Variants in NEK6 observed in about 807,000 individuals in gnomAD.
NEK6 encodes the protein NIMA related kinase 6.
A neutral mutation model predicts 43.5 loss-of-function variants in NEK6; 27 were observed. That is an observed-to-expected ratio of 0.62 (90% CI 0.46 to 0.86). The LOEUF is 0.86. Ranked by LOEUF, NEK6 falls within the 40% of genes least tolerant of loss-of-function variation. The pLI is 0.00. For missense variants in NEK6, 318 were observed against 414.4 expected (o/e 0.77, Z 2.02); for synonymous variants, 167 against 164.1 (o/e 1.02, Z -0.14).
chr9:124,265,160 T>C (rs952188862), intron 1 of NEK6, among the ~76,000 whole-genome samples: 1 of 152,198 alleles, frequency 6.6e-6, no homozygotes, highest in Non-Finnish European at 1.5e-5. Flanking sequence ...TGCACAACAT[T>C]GTGATTGTAA....
Position 124,343,697 on chromosome 9 carries a change from C to T in NEK6, c.718-4012C>T, listed in dbSNP as rs1829773696. ...CAGCCTGTGGTGTCTTCCAGGGGCA[C>T]CAGCCTGAAGAGCTGTGACAAAGCC... On this transcript the variant is annotated intron_variant, in intron 8 of 9. Coordinates refer to ENST00000320246, the MANE Select transcript of NEK6 (RefSeq NM_014397.6). The surrounding 1 kb of genome is among the most constrained non-coding windows in gnomAD (Gnocchi z 5.1). 6.6e-6 allele frequency among the ~76,000 whole-genome samples: 1 copy of T among 152,208 alleles called. No individual in the cohort carries two copies. The highest frequency in any genetic ancestry group is 2.4e-5 in the African/African-American group (1 of 41,452).
chr9:124,271,157 C>A (rs1045556605), intron 1 of NEK6, among the ~76,000 whole-genome samples: 4 of 152,254 alleles, frequency 2.6e-5, no homozygotes, highest in Non-Finnish European at 5.9e-5. Context: ...CCATGGTCAG[C>A]CCTCCCTGAC....
chr9:124,341,141 CA>C (rs1420150659), intron 8 of NEK6, among the ~76,000 whole-genome samples: 1 of 152,200 alleles, frequency 6.6e-6, no homozygotes, highest in African/African-American at 2.4e-5. Context: ...CTCCCAGGTT[CA>C]AGCAATTATC....
intron 7 of NEK6, among the ~76,000 whole-genome samples, chr9:124,337,812 C>T (rs1829369412): frequency 6.6e-6 from 1 of 152,238 alleles, no homozygotes; most frequent in Admixed American, 6.5e-5. Flanking sequence ...TGGTAGAAAC[C>T]AGCCGATGGT....
At chr9:124,269,396 G>A (rs1255819068) in intron 1 of NEK6, among the ~76,000 whole-genome samples, 1 of 150,506 alleles carries the variant, frequency 6.6e-6, no homozygotes, top group Non-Finnish European at 1.5e-5. Flanking sequence ...TTTTTGAGAT[G>A]GAGTTTCACT....
chr9:124,289,046 T>TA (rs1365487148), intron 1 of NEK6, among the ~76,000 whole-genome samples: 3 of 151,914 alleles, frequency 2.0e-5, no homozygotes, highest in Non-Finnish European at 4.4e-5. Context: ...AGTGGCACAA[T>TA]ACTAGCTCTC....
chr9:124,300,798 GGA>G (rs1482115627), intron 1 of NEK6, among the ~76,000 whole-genome samples: 13 of 106,512 alleles, frequency 1.2e-4, no homozygotes, highest in African/African-American at 6.0e-4. Context: ...CCACCGCAGG[GGA>G]GGGGGCTCCA....
intron 1 of NEK6, among the ~76,000 whole-genome samples, chr9:124,270,513 C>CA (rs35908150): frequency 1.3e-5 from 2 of 150,604 alleles, no homozygotes; most frequent in African/African-American, 4.8e-5. Flanking sequence ...TTCCCTTGTT[C>CA]AAAAAGCAGT....
At chr9:124,311,644 C>T (rs1020343619) in intron 2 of NEK6, among the ~76,000 whole-genome samples, 1 of 152,206 alleles carries the variant, frequency 6.6e-6, no homozygotes, top group Admixed American at 6.5e-5. Context: ...TTCTTCACGA[C>T]ACCCTAAAAA....
At chr9:124,303,491 C>G (rs1833099598) in intron 2 of NEK6, among the ~76,000 whole-genome samples, 1 of 152,214 alleles carries the variant, frequency 6.6e-6, no homozygotes, top group South Asian at 2.1e-4. Context: ...AAGCCATGCT[C>G]CCTGGTGGAC....
intron 4 of NEK6, among the ~76,000 whole-genome samples, chr9:124,319,762 T>G (rs116214200): frequency 1.1e-3 from 164 of 152,354 alleles, no homozygotes; most frequent in African/African-American, 3.4e-3. Flanking sequence ...GTATGCTGCT[T>G]TATTTCTGAG....
intron 1 of NEK6, among the ~76,000 whole-genome samples, chr9:124,299,274 C>T (rs1832841635): frequency 6.6e-6 from 1 of 152,256 alleles, no homozygotes; most frequent in Non-Finnish European, 1.5e-5. Flanking sequence ...CAGTTCTCCA[C>T]TCTTTCCCTG....
At chr9:124,271,510 C>G (rs1831438533) in intron 1 of NEK6, among the ~76,000 whole-genome samples, 1 of 152,260 alleles carries the variant, frequency 6.6e-6, no homozygotes, top group African/African-American at 2.4e-5. Flanking sequence ...CGTGTGTTGC[C>G]TTCGTTAATC....
In NEK6 at chr9:124,294,159, A is replaced by C. The variant is rs865827559; in HGVS notation, c.-29-7777A>C. On this transcript the variant is annotated intron_variant, in intron 1 of 9. Transcript: ENST00000320246. ...GGTGGGAGGATCACCTGAGGTCAGT[A>C]GTTCGAGACCAGCCTGACCAACATG... is the stretch of plus-strand genomic sequence containing the variant. Among the ~76,000 whole-genome samples the C allele has an allele frequency of 5.9e-5, 9 of 152,364 alleles. No homozygotes were observed. In the South Asian group the frequency reaches 1.9e-3, roughly 32 times the overall value.
chr9:124,315,974 A>G (rs1251384335), intron 4 of NEK6, among the ~76,000 whole-genome samples: 1 of 152,246 alleles, frequency 6.6e-6, no homozygotes, highest in South Asian at 2.1e-4. Flanking sequence ...TGACGAGCTC[A>G]GGGCAGCGCT....
chr9:124,322,200 G>C (rs759462426), intron 5 of NEK6, among the ~76,000 whole-genome samples: 2 of 152,174 alleles, frequency 1.3e-5, no homozygotes, highest in African/African-American at 2.4e-5. Flanking sequence ...CAGCCCTAGA[G>C]GGGGAACTTC....
At chr9:124,263,672 A>C (rs1831120119) in intron 1 of NEK6, among the ~76,000 whole-genome samples, 1 of 152,162 alleles carries the variant, frequency 6.6e-6, no homozygotes, top group African/African-American at 2.4e-5. Flanking sequence ...CCCTGCATTG[A>C]GGCCCTAAAC....
intron 1 of NEK6, among the ~76,000 whole-genome samples, chr9:124,269,544 T>C (rs1831346858): frequency 6.6e-6 from 1 of 151,926 alleles, no homozygotes; most frequent in African/African-American, 2.4e-5. Context: ...CGGCTAATTT[T>C]TTTTTGTATT....
At chr9:124,339,447 G>A in intron 7 of NEK6, 124 bp from the exon 8 acceptor site, 2 of 724,000 alleles carry the variant, frequency 2.8e-6, no homozygotes, top group Admixed American at 1.8e-5. Context: ...AGGGAGAAGG[G>A]CTGCTCAGAG....
Sources: gnomAD v4.1 joint callset for allele counts (sites outside exome capture counted in the v4.1 genomes callset) on GRCh38, gnomAD v4.1.1 for gene constraint, Gnocchi (gnomAD v3.1) non-coding constraint, MANE v1.5 for transcripts, NCBI Gene and HGNC (gene_info 2026-07-23, HGNC 2026-07-21) for gene names.